KCNT2: variants seen among roughly 807,000 people sequenced by gnomAD.
KCNT2 encodes potassium channel subfamily T member 2.
A neutral mutation model predicts 153.8 loss-of-function variants in KCNT2; 67 were observed. The ratio of observed to expected loss-of-function variants is 0.44; its 90% confidence interval spans 0.36 to 0.53. The LOEUF is 0.53. Among genes scored for constraint, KCNT2 ranks in the 20% least tolerant of loss-of-function variants. KCNT2 has a pLI of 0.00. For missense variants in KCNT2, 975 were observed against 1,354.8 expected, an observed-to-expected ratio of 0.72 and a Z score of 4.40; for synonymous variants, 500 against 458.8, an observed-to-expected ratio of 1.09 and a Z score of -1.15.
chr1:196,453,202 C>A (rs1676370764), intron 8 of KCNT2, among the ~76,000 whole-genome samples: 1 of 151,774 alleles, frequency 6.6e-6, no homozygotes, highest in Admixed American at 6.6e-5. Flanking sequence ...CAGCAGAAGG[C>A]ACGCCAGAGA....
At chr1:196,346,981 C>T (rs1277609540) in intron 14 of KCNT2, among the ~76,000 whole-genome samples, 3 of 151,884 alleles carry the variant, frequency 2.0e-5, no homozygotes, top group Non-Finnish European at 4.4e-5. Context: ...ATGCTTTTAC[C>T]CCCATTTCAC....
At chr1:196,385,772 A>AAAAAATAT (rs747480460) in intron 13 of KCNT2, among the ~76,000 whole-genome samples, 187 of 148,516 alleles carry the variant, frequency 1.3e-3, no homozygotes, top group Non-Finnish European at 2.2e-3. Flanking sequence ...GCATTAAAAA[A>AAAAAATAT]ATATATATAT....
intron 1 of KCNT2, among the ~76,000 whole-genome samples, chr1:196,518,701 G>T (rs1257901219): frequency 2.6e-5 from 4 of 152,060 alleles, no homozygotes; most frequent in Admixed American, 1.3e-4. Context: ...TTACATAATG[G>T]TAAAGGGTTC....
intron 25 of KCNT2, among the ~76,000 whole-genome samples, chr1:196,266,402 T>C (rs73063993): frequency 0.11 from 16,450 of 152,188 alleles, 1,273 homozygotes; most frequent in African/African-American, 0.22. Flanking sequence ...CAAATAAATA[T>C]ACCTTATCTT....
chr1:196,562,670 A>G (rs934888906), intron 1 of KCNT2, among the ~76,000 whole-genome samples: 1 of 151,822 alleles, frequency 6.6e-6, no homozygotes, highest in African/African-American at 2.4e-5. Context: ...GTTGATTTTG[A>G]ATTGATTACT....
intron 13 of KCNT2, among the ~76,000 whole-genome samples, chr1:196,382,285 T>C (rs1669578497): frequency 6.6e-6 from 1 of 151,736 alleles, no homozygotes; most frequent in African/African-American, 2.4e-5. Context: ...TTTTTTGTAT[T>C]TTTAGTAGAG....
At chr1:196,556,571 G>A (rs1658697296) in intron 1 of KCNT2, among the ~76,000 whole-genome samples, 1 of 151,330 alleles carries the variant, frequency 6.6e-6, no homozygotes, top group African/African-American at 2.4e-5. Flanking sequence ...AAACAGTTTG[G>A]TAGTTCATCA....
intron 18 of KCNT2, among the ~76,000 whole-genome samples, chr1:196,330,346 A>G (rs943574587): frequency 2.0e-5 from 3 of 151,954 alleles, no homozygotes; most frequent in Non-Finnish European, 4.4e-5. Context: ...GGTTCATATT[A>G]AAATAATATC....
At chr1:196,302,768 G>A (rs751310264) in intron 22 of KCNT2, among the ~76,000 whole-genome samples, 4 of 151,366 alleles carry the variant, frequency 2.6e-5, no homozygotes, top group African/African-American at 7.3e-5. Flanking sequence ...TTCAACCCAC[G>A]AGACTATAAA....
chr1:196,595,932 A>G (rs1664008868), intron 1 of KCNT2, among the ~76,000 whole-genome samples: 1 of 151,914 alleles, frequency 6.6e-6, no homozygotes, highest in Non-Finnish European at 1.5e-5. Context: ...AAGTGAGAAC[A>G]CATGATGTTT....
intron 1 of KCNT2, among the ~76,000 whole-genome samples, chr1:196,545,417 A>G (rs1483353358): frequency 6.6e-6 from 1 of 152,054 alleles, no homozygotes; most frequent in East Asian, 1.9e-4. Flanking sequence ...CCAATAGTTT[A>G]GGGGAGACTG....
chr1:196,373,088 T>A, intron 14 of KCNT2, 52 bp downstream of exon 14: 1 of 853,798 alleles, frequency 1.2e-6, no homozygotes. Context: ...TAACTGCCCT[T>A]ATTGTTTTTT....
intron 8 of KCNT2, among the ~76,000 whole-genome samples, chr1:196,458,190 T>C (rs1252222644): frequency 6.6e-6 from 1 of 151,780 alleles, no homozygotes; most frequent in Non-Finnish European, 1.5e-5. Context: ...TAAAAAGCAA[T>C]ATTAAAAAAC....
intron 27 of KCNT2, among the ~76,000 whole-genome samples, chr1:196,230,255 G>A (rs1488914275): frequency 2.0e-5 from 3 of 151,922 alleles, no homozygotes; most frequent in African/African-American, 7.3e-5. Flanking sequence ...GAAATCCTAG[G>A]ACACTTAAGA....
intron 22 of KCNT2, among the ~76,000 whole-genome samples, chr1:196,300,139 A>G (rs973121462): frequency 6.6e-6 from 1 of 152,216 alleles, no homozygotes; most frequent in South Asian, 2.1e-4. Flanking sequence ...CAAGGAGTGT[A>G]TATTTCTGAA....
At chr1:196,530,737 A>G (rs1654827784) in intron 1 of KCNT2, among the ~76,000 whole-genome samples, 2 of 152,244 alleles carry the variant, frequency 1.3e-5, no homozygotes, top group Non-Finnish European at 2.9e-5. Flanking sequence ...AATAAGAAAC[A>G]TCGTTTACAC....
At chr1:196,458,726 A>T (rs1394626427) in intron 8 of KCNT2, among the ~76,000 whole-genome samples, 1 of 151,958 alleles carries the variant, frequency 6.6e-6, no homozygotes, top group Non-Finnish European at 1.5e-5. Context: ...AAATATTGAG[A>T]CTGCAAACTT....
intron 1 of KCNT2, among the ~76,000 whole-genome samples, chr1:196,504,068 G>A (rs531684331): frequency 1.3e-5 from 2 of 152,030 alleles, no homozygotes; most frequent in East Asian, 1.9e-4. Context: ...ACAAACTTAC[G>A]ACAATACAAA....
chr1:196,246,873 G>A (rs894021567), intron 26 of KCNT2, among the ~76,000 whole-genome samples: 3 of 151,794 alleles, frequency 2.0e-5, no homozygotes, highest in Admixed American at 2.0e-4. Flanking sequence ...AGTAAGAGAA[G>A]ACCACAAAAC....
Sources: allele counts gnomAD v4.1 joint callset (sites outside exome capture counted in the v4.1 genomes callset), GRCh38; gene constraint gnomAD v4.1.1; transcripts MANE v1.5; gene names NCBI Gene and HGNC (gene_info 2026-07-23, HGNC 2026-07-21).